LRP1B: variants seen among roughly 807,000 people sequenced by gnomAD.
LRP1B encodes low-density lipoprotein receptor-related protein 1B.
A neutral mutation model predicts 556.6 loss-of-function variants in LRP1B; 217 were observed. The observed-to-expected ratio is 0.39, with a 90% CI of 0.35 to 0.44. The LOEUF (loss-of-function observed/expected upper bound fraction) is 0.44, where lower values mean the gene tolerates loss of function less well. LRP1B is among the 20% of genes least tolerant of loss of function. LRP1B has a pLI of 1.00. For synonymous variants in LRP1B, 2,047 were observed against 1,865.8 expected (o/e 1.10, Z -2.50); for missense variants, 5,053 against 5,620.8 (o/e 0.90, Z 3.23).
intron 1 of LRP1B, among the ~76,000 whole-genome samples, chr2:142,094,144 C>T (rs879535369): frequency 2.0e-4 from 31 of 152,034 alleles, no homozygotes; most frequent in Non-Finnish European, 3.4e-4. Flanking sequence ...GCTCCACTGC[C>T]GTGACTTAAT....
At chr2:141,074,566 T>C (rs1699731903) in intron 7 of LRP1B, among the ~76,000 whole-genome samples, 1 of 40,090 alleles carries the variant, frequency 2.5e-5, no homozygotes, top group Non-Finnish European at 6.1e-5. Flanking sequence ...TTTCTGTCTC[T>C]CTGTCTCTCT....
At chr2:141,941,537 T>C (rs1185006548) in intron 1 of LRP1B, among the ~76,000 whole-genome samples, 1 of 152,054 alleles carries the variant, frequency 6.6e-6, no homozygotes, top group African/African-American at 2.4e-5. Context: ...ATGAGTTGAG[T>C]TCTCTGAGAA....
intron 2 of LRP1B, among the ~76,000 whole-genome samples, chr2:141,639,304 G>GTATATATATATATA (rs577532316): frequency 1.7e-5 from 1 of 58,474 alleles, no homozygotes; most frequent in Non-Finnish European, 3.0e-5. Context: ...CATCATGTGT[G>GTATATATATATATA]TATATATATA....
intron 2 of LRP1B, among the ~76,000 whole-genome samples, chr2:141,606,072 C>T (rs16855065): frequency 6.6e-6 from 1 of 152,006 alleles, no homozygotes; most frequent in African/African-American, 2.4e-5. Flanking sequence ...CACGTCCGTG[C>T]TAGACAAGAG....
chr2:142,075,832 G>T lies in LRP1B; in HGVS notation c.82+54816C>A, dbSNP rs190446767. Among the ~76,000 whole-genome samples the T allele has an allele frequency of 3.3e-5, 5 of 152,210 alleles. No homozygotes were observed. The East Asian group carries it at 9.7e-4, about 30-fold the overall frequency. On this transcript the variant is annotated intron_variant, in intron 1 of 90. Transcript: ENST00000389484. Reference sequence around the variant, plus strand: ...TTCAGGGCAAAGCAGAAAACAGCTTGTCTTTTCAATCACAATCAAAACTCA... The same window carrying T: ...TTCAGGGCAAAGCAGAAAACAGCTTTTCTTTTCAATCACAATCAAAACTCA...
rs2104881289 is a variant in LRP1B, at chr2:140,238,162, T to A, written c.13550A>T (p.Asp4517Val). 1.2e-6 allele frequency: 2 copies of A among 1,602,212 alleles called. No individual in the cohort carries two copies. Among genetic ancestry groups the A allele is most frequent in the South Asian group, 2.2e-5 (2 of 89,942 alleles). ...CTTAAGACATACTACCTTTGTTGGG[T>A]CTATCATAAAGCCAGGATCTAAAAG... ...GGLLDPGFMI[D>V]PTKARYIGGG... Residue 4517 changes from aspartate to valine, a missense_variant, in exon 89 of 91, where the codon GAC becomes GTC. By Grantham distance (152) the Asp-to-Val change is radical (BLOSUM62 -3). Transcript: ENST00000389484.
At chr2:141,097,699 T>G (rs1156388165) in intron 7 of LRP1B, among the ~76,000 whole-genome samples, 2 of 152,192 alleles carry the variant, frequency 1.3e-5, no homozygotes, top group African/African-American at 4.8e-5. Flanking sequence ...TAGTGTGAAA[T>G]GTCAATTTTC....
At chr2:142,061,707 G>A (rs181664385) in intron 1 of LRP1B, among the ~76,000 whole-genome samples, 1 of 151,852 alleles carries the variant, frequency 6.6e-6, no homozygotes, top group Non-Finnish European at 1.5e-5. Context: ...CAAAAGTTTG[G>A]CATTGATAAT....
intron 2 of LRP1B, among the ~76,000 whole-genome samples, chr2:141,510,234 A>C (rs1329319464): frequency 8.5e-4 from 124 of 145,378 alleles, no homozygotes; most frequent in African/African-American, 2.5e-3. Context: ...ACACACACAC[A>C]CCCCCCACAG....
At chr2:141,188,689 T>C in intron 6 of LRP1B, 106 bp from the exon 7 acceptor site, 1 of 930,836 alleles carries the variant, frequency 1.1e-6, no homozygotes, top group Non-Finnish European at 1.6e-6. Flanking sequence ...ATTTCAAAAG[T>C]ATAGACATTT....
chr2:141,433,901 A>C (rs1680661234), intron 3 of LRP1B, among the ~76,000 whole-genome samples: 1 of 140,336 alleles, frequency 7.1e-6, no homozygotes, highest in South Asian at 2.3e-4. Context: ...TACTTCTGCT[A>C]TTTTCAGTAC....
intron 27 of LRP1B, among the ~76,000 whole-genome samples, chr2:140,862,219 G>A (rs1692819674): frequency 6.6e-6 from 1 of 152,050 alleles, no homozygotes; most frequent in Non-Finnish European, 1.5e-5. Context: ...TGCAAATGAT[G>A]GCCTAAAGGC....
intron 3 of LRP1B, among the ~76,000 whole-genome samples, chr2:141,315,252 ATTTT>A (rs34839276): frequency 3.9e-5 from 3 of 77,194 alleles, no homozygotes; most frequent in South Asian, 5.7e-4. Context: ...AATGATTGTA[ATTTT>A]TTTTTTTTTT....
chr2:141,779,561 C>T (rs182279536), intron 2 of LRP1B, among the ~76,000 whole-genome samples: 16 of 151,754 alleles, frequency 1.1e-4, no homozygotes, highest in East Asian at 9.7e-4. Context: ...GAATTATAGG[C>T]GCCCACCACC....
At chr2:140,481,335 G>C (rs1688231042) in intron 59 of LRP1B, among the ~76,000 whole-genome samples, 1 of 151,968 alleles carries the variant, frequency 6.6e-6, no homozygotes, top group Non-Finnish European at 1.5e-5. Flanking sequence ...GATGTAATAG[G>C]AAAAATCTGG....
intron 2 of LRP1B, among the ~76,000 whole-genome samples, chr2:141,718,212 C>A (rs1436927184): frequency 1.3e-5 from 2 of 152,190 alleles, no homozygotes; most frequent in African/African-American, 4.8e-5. Context: ...AACTTATAAA[C>A]TGTCATGGGG....
chr2:141,629,935 C>T (rs781031915), intron 2 of LRP1B, among the ~76,000 whole-genome samples: 1 of 152,054 alleles, frequency 6.6e-6, no homozygotes, highest in Non-Finnish European at 1.5e-5. Context: ...AGAGATCAGG[C>T]ATGAGAGAAG....
intron 1 of LRP1B, among the ~76,000 whole-genome samples, chr2:142,066,248 C>G (rs1014319929): frequency 1.3e-5 from 2 of 148,680 alleles, no homozygotes; most frequent in Admixed American, 1.4e-4. Flanking sequence ...TTAAAGTAAG[C>G]CAAGAATTAG....
chr2:140,307,677 C>T (rs78812162), intron 83 of LRP1B, among the ~76,000 whole-genome samples: 2,569 of 151,864 alleles, frequency 0.017, 77 homozygotes, highest in African/African-American at 0.059. Context: ...ATTGTACCTC[C>T]AGTAAATGGA....
Sources: gnomAD v4.1 joint callset for allele counts (sites outside exome capture counted in the v4.1 genomes callset) on GRCh38, gnomAD v4.1.1 for gene constraint, MANE v1.5 for transcripts, NCBI Gene and HGNC (gene_info 2026-07-23, HGNC 2026-07-21) for gene names.